TTI1: variants seen among roughly 807,000 people sequenced by gnomAD.
The protein encoded by TTI1 is TELO2-interacting protein 1 homolog.
TTI1 carries 52 observed loss-of-function variants against 85.4 expected under a neutral mutation model. The ratio of observed to expected loss-of-function variants is 0.61; its 90% CI spans 0.49 to 0.77. The LOEUF (loss-of-function observed/expected upper bound fraction) is 0.77. Ranked by LOEUF, TTI1 falls within the 30% of genes least tolerant of loss-of-function variation. TTI1 has a pLI of 0.00. For missense variants in TTI1, 1,173 were observed against 1,296.0 expected, an observed-to-expected ratio of 0.91 and a Z score of 1.46; for synonymous variants, 512 against 503.9, an observed-to-expected ratio of 1.02 and a Z score of -0.22.
At chr20:38,015,822 G>A (rs918585199) in intron 1 of TTI1, among the ~76,000 whole-genome samples, 1 of 152,134 alleles carries the variant, frequency 6.6e-6, no homozygotes, top group Non-Finnish European at 1.5e-5. Context: ...CCCAAAGCAG[G>A]GATGCAGAGA....
rs554062389 is a variant in TTI1, at chr20:38,027,849, G to A, written c.-42+5555C>T. On this transcript the variant is annotated intron_variant, in intron 1 of 7. Transcript: ENST00000373447. ...TGAGGTGGGAGAATCACTTGAACCC[G>A]GGAGGCGGAGGTTGCAGTGAGCCAA... Among the ~76,000 whole-genome samples, 5 of 152,264 alleles carry A rather than the reference G, an allele frequency of 3.3e-5. 1 individual carries two copies. In the East Asian group the frequency reaches 7.7e-4, roughly 23 times the overall value.
intron 7 of TTI1, among the ~76,000 whole-genome samples, chr20:37,991,609 T>G (rs557327565): frequency 6.6e-6 from 1 of 152,318 alleles, no homozygotes; most frequent in East Asian, 1.9e-4. Context: ...AAAAGATCCT[T>G]TTGAGGTGAA....
intron 1 of TTI1, among the ~76,000 whole-genome samples, chr20:38,030,680 T>C (rs935956230): frequency 6.6e-6 from 1 of 152,134 alleles, no homozygotes; most frequent in African/African-American, 2.4e-5. Context: ...CACATAATCA[T>C]ATCATCCTCA....
chr20:38,005,814 A>AT (rs2073488495), intron 3 of TTI1: 1 of 153,268 alleles, frequency 6.5e-6, no homozygotes. Context: ...AAAAAATAAA[A>AT]AAAAAAGGTC....
At chr20:38,007,274 C>T (rs2073515374) in intron 2 of TTI1, among the ~76,000 whole-genome samples, 1 of 152,226 alleles carries the variant, frequency 6.6e-6, no homozygotes, top group South Asian at 2.1e-4. Flanking sequence ...ACATAAAATG[C>T]TTCAGAAAGC....
chr20:38,030,305 T>C (rs745485325), intron 1 of TTI1, among the ~76,000 whole-genome samples: 2 of 152,024 alleles, frequency 1.3e-5, no homozygotes, highest in Non-Finnish European at 2.9e-5. Context: ...GATGGTTTCA[T>C]TGGAGAATTC....
chr20:38,006,063 G>A (rs1206912644), intron 3 of TTI1, 134 bp downstream of exon 3: 6 of 990,614 alleles, frequency 6.1e-6, no homozygotes, highest in Non-Finnish European at 8.9e-6. Flanking sequence ...CAAAACAGGA[G>A]AATAGCTATG....
At chr20:37,996,270 G>C in intron 7 of TTI1, 105 bp downstream of exon 7, 1 of 1,158,912 alleles carries the variant, frequency 8.6e-7, no homozygotes, top group East Asian at 2.4e-5. Flanking sequence ...AACCTGGCAG[G>C]GTGACAGAGA....
At chr20:38,020,192 T>C (rs181902161) in intron 1 of TTI1, among the ~76,000 whole-genome samples, 53 of 149,980 alleles carry the variant, frequency 3.5e-4, no homozygotes, top group African/African-American at 1.1e-3. Flanking sequence ...AGTTCAGAAA[T>C]AGACCACACA....
At chr20:38,000,029 G>C (rs2073398873) in intron 4 of TTI1, among the ~76,000 whole-genome samples, 1 of 152,242 alleles carries the variant, frequency 6.6e-6, no homozygotes. Flanking sequence ...GGATCCACAT[G>C]AGAGGAGCAA....
intron 2 of TTI1, among the ~76,000 whole-genome samples, chr20:38,010,679 T>C (rs1462692791): frequency 1.3e-5 from 2 of 151,850 alleles, no homozygotes; most frequent in African/African-American, 4.8e-5. Flanking sequence ...GGTTTCACCA[T>C]GTTAGCAAGG....
At chr20:37,985,191 GA>G (rs2073173854) in intron 7 of TTI1, among the ~76,000 whole-genome samples, 1 of 152,184 alleles carries the variant, frequency 6.6e-6, no homozygotes, top group South Asian at 2.1e-4. Flanking sequence ...GGGTTTTGCT[GA>G]GGTTTAAAGC....
chr20:38,011,417 T>C, intron 2 of TTI1, 98 bp downstream of exon 2: 2 of 1,359,292 alleles, frequency 1.5e-6, no homozygotes, highest in Admixed American at 2.3e-5. Context: ...ACGTCCTCCA[T>C]AGCATCACCA....
At chr20:37,985,711 A>G (rs2073181913) in intron 7 of TTI1, among the ~76,000 whole-genome samples, 1 of 152,012 alleles carries the variant, frequency 6.6e-6, no homozygotes, top group Non-Finnish European at 1.5e-5. Flanking sequence ...TATTTTTAGT[A>G]GAGACGGGGT....
Position 38,002,672 on chromosome 20 carries a change from A to G in TTI1, c.2608T>C (p.Cys870Arg). 1 of 1,614,242 alleles carries G rather than the reference A, an allele frequency of 6.2e-7. No homozygotes were observed. The highest frequency in any genetic ancestry group is 8.5e-7 in the Non-Finnish European group (1 of 1,180,046). The change falls in exon 4 of 8, where the codon TGC becomes CGC. Residue 870 changes from cysteine (C) to arginine (R), a missense_variant. Cys to Arg is a radical substitution (Grantham distance 180, BLOSUM62 -3). Transcript: ENST00000373447. ...TTTTTATCTGACAACAAGTGGATGCAGCGTTCCATCACGTCCATGGCTATT... is the reference window on the plus strand; with the variant it reads ...TTTTTATCTGACAACAAGTGGATGCGGCGTTCCATCACGTCCATGGCTATT... ...IQIAMDVMER[C>R]IHLLSDKNLQ...
At chr20:38,009,401 C>T (rs910355403) in intron 2 of TTI1, among the ~76,000 whole-genome samples, 5 of 152,172 alleles carry the variant, frequency 3.3e-5, no homozygotes, top group Admixed American at 3.3e-4. Flanking sequence ...TTGTCCTTGC[C>T]CTTCTTTCCA....
chr20:37,987,560 C>T, intron 7 of TTI1: 2 of 359,524 alleles, frequency 5.6e-6, no homozygotes, highest in South Asian at 4.3e-5. Context: ...AAGAGATTAT[C>T]TGGTCCCCAG....
In TTI1 at chr20:37,999,290, C is replaced by A. The variant is rs776905794; in HGVS notation, c.2691G>T (p.Gln897His). The A allele has an allele frequency of 1.5e-5, 22 of 1,514,978 alleles. No individual in the cohort carries two copies. Among genetic ancestry groups the A allele is most frequent in the Middle Eastern group, 1.7e-4 (1 of 5,716 alleles). The allele number at this position is 1,514,978 out of a possible 1,614,324, so 93.8% of individuals were successfully genotyped here. Residue 897 changes from glutamine to histidine, a missense_variant, in exon 5 of 8, where the codon CAG (glutamine) becomes CAT (histidine). Transcript: ENST00000373447. ...DVLDLCVVVL[Q>H]SHKNQLLPLA... ...AGGGAAGCAGCTGGTTTTTGTGGGA[C>A]TGAAGAACAACCACACACAGATCCA...
At chr20:37,996,301 C>G in intron 7 of TTI1, 74 bp downstream of exon 7, 1 of 1,520,494 alleles carries the variant, frequency 6.6e-7, no homozygotes, top group Non-Finnish European at 9.1e-7. Context: ...GATGCCTCAA[C>G]TCTGCTTGCC....
Sources: allele counts gnomAD v4.1 joint callset (sites outside exome capture counted in the v4.1 genomes callset), GRCh38; gene constraint gnomAD v4.1.1; transcripts MANE v1.5; gene names NCBI Gene and HGNC (gene_info 2026-07-23, HGNC 2026-07-21).